The following TMEM131L variants were observed in gnomAD, a reference collection of about 807,000 sequenced individuals.
TMEM131L encodes transmembrane 131 like, also known as transmembrane protein 131-like.
Under a neutral mutation model 192.2 loss-of-function variants are expected in TMEM131L, and 54 were observed. The ratio of observed to expected loss-of-function variants is 0.28; its 90% confidence interval spans 0.23 to 0.35. TMEM131L has a LOEUF of 0.35. TMEM131L is among the 10% of genes least tolerant of loss of function. The pLI is 1.00. For missense variants in TMEM131L, 1,888 were observed against 1,972.9 expected (o/e 0.96, Z 0.82); for synonymous variants, 701 against 704.9 (o/e 0.99, Z 0.09).
chr4:153,473,080 A>G lies in TMEM131L; in HGVS notation c.196-765A>G, dbSNP rs185249360. Reference sequence around the variant, plus strand: ...AATTGGAGCCCAGGTGCTTGCCGCAATGTGGTTGTAGGGGTAGGGCTGGGT... The same window carrying G: ...AATTGGAGCCCAGGTGCTTGCCGCAGTGTGGTTGTAGGGGTAGGGCTGGGT... On this transcript the variant is annotated intron_variant, in intron 2 of 34. Transcript: ENST00000409959. Among the ~76,000 whole-genome samples the G allele has an allele frequency of 5.2e-4, 79 of 152,252 alleles. 1 individual carries two copies. The highest frequency in any genetic ancestry group is 1.5e-3 in the African/African-American group (63 of 41,538).
chr4:153,635,995 G>A (rs1341240371), intron 34 of TMEM131L, among the ~76,000 whole-genome samples: 2 of 152,036 alleles, frequency 1.3e-5, no homozygotes, highest in Non-Finnish European at 2.9e-5. Flanking sequence ...CACCCTCCCT[G>A]CTCAGAAGCC....
intron 21 of TMEM131L, among the ~76,000 whole-genome samples, chr4:153,601,416 A>G (rs1041543281): frequency 2.0e-5 from 3 of 151,968 alleles, no homozygotes; most frequent in Non-Finnish European, 4.4e-5. Context: ...AGTCCTAGCT[A>G]CTTGGGAGGC....
intron 3 of TMEM131L, among the ~76,000 whole-genome samples, chr4:153,515,381 T>A (rs1197716924): frequency 6.6e-6 from 1 of 152,236 alleles, no homozygotes; most frequent in African/African-American, 2.4e-5. Context: ...CTATTTAGCT[T>A]AATGTTTTCG....
chr4:153,603,895 C>G lies in TMEM131L; in HGVS notation c.2883C>G (p.Ile961Met), dbSNP rs779256807. Reference sequence around the variant, plus strand: ...CAGTGAACACTCCCCAAAGCAGGATCCAGAATGCTGCAAAGAGGAGCCCAG... The same window carrying G: ...CAGTGAACACTCCCCAAAGCAGGATGCAGAATGCTGCAAAGAGGAGCCCAG... ...CLPVNTPQSR[I>M]QNAAKRSPAT... The change falls in exon 25 of 35, where the codon ATC becomes ATG. Residue 961 changes from isoleucine (I) to methionine (M), a missense_variant. Coordinates refer to ENST00000409959, the MANE Select transcript of TMEM131L (RefSeq NM_001131007.2). 1 of 1,613,988 alleles carries G rather than the reference C, an allele frequency of 6.2e-7. No individual in the cohort carries two copies. Among genetic ancestry groups the G allele is most frequent in the Non-Finnish European group, 8.5e-7 (1 of 1,179,998 alleles).
Position 153,512,130 on chromosome 4 carries a change from A to G in TMEM131L, c.240-37943A>G, listed in dbSNP as rs184723454. On this transcript the variant is annotated intron_variant, in intron 3 of 34. Transcript: ENST00000409959. ...GTTCATTTATTTTTTTAAAATGGAT[A>G]TCGGTTGTGGGGATGGCTATGGCAT... 2.4e-3 allele frequency among the ~76,000 whole-genome samples: 367 copies of G among 152,292 alleles called. 1 individual carries two copies. The highest frequency in any genetic ancestry group is 7.6e-3 in the African/African-American group (316 of 41,560).
At chr4:153,582,331 G>A (rs2150743172) in intron 9 of TMEM131L, among the ~76,000 whole-genome samples, 1 of 151,248 alleles carries the variant, frequency 6.6e-6, no homozygotes, top group East Asian at 1.9e-4. Flanking sequence ...TGCAACCTCA[G>A]CCTCCTGGGC....
intron 3 of TMEM131L, among the ~76,000 whole-genome samples, chr4:153,541,854 C>T (rs1281036284): frequency 6.6e-6 from 1 of 152,182 alleles, no homozygotes; most frequent in African/African-American, 2.4e-5. Context: ...CATCACTTAC[C>T]CTGCTACAGT....
intron 3 of TMEM131L, among the ~76,000 whole-genome samples, chr4:153,509,374 AAAAG>A (rs988402805): frequency 4.0e-5 from 6 of 151,842 alleles, no homozygotes; most frequent in African/African-American, 7.3e-5. Context: ...TCAAAAAAAA[AAAAG>A]AAAGAAAAAG....
chr4:153,544,745 G>C (rs933889152), intron 3 of TMEM131L, among the ~76,000 whole-genome samples: 1 of 152,140 alleles, frequency 6.6e-6, no homozygotes, highest in Non-Finnish European at 1.5e-5. Flanking sequence ...TTCTCCGGTG[G>C]GTTTTCGCTC....
At chr4:153,484,943 C>T (rs1732213797) in intron 3 of TMEM131L, among the ~76,000 whole-genome samples, 1 of 147,462 alleles carries the variant, frequency 6.8e-6, no homozygotes, top group African/African-American at 2.5e-5. Context: ...CATGGTGAAA[C>T]CCCGTCTCTA....
intron 34 of TMEM131L, among the ~76,000 whole-genome samples, chr4:153,635,866 C>G (rs1283318391): frequency 6.6e-6 from 1 of 152,198 alleles, no homozygotes; most frequent in Non-Finnish European, 1.5e-5. Flanking sequence ...TGGGCCAGCC[C>G]TCTGTGTGAC....
At chr4:153,587,596 T>A (rs1218678833) in intron 14 of TMEM131L, 146 bp from the exon 15 acceptor site, 1 of 663,722 alleles carries the variant, frequency 1.5e-6, no homozygotes, top group Non-Finnish European at 2.7e-6. Flanking sequence ...TGAAAATTCC[T>A]TAACAATTAG....
chr4:153,500,933 A>G (rs1177882536), intron 3 of TMEM131L, among the ~76,000 whole-genome samples: 1 of 152,220 alleles, frequency 6.6e-6, no homozygotes, highest in Non-Finnish European at 1.5e-5. Flanking sequence ...GAAATTTAAA[A>G]GGTTAATAAA....
intron 27 of TMEM131L, 124 bp from the exon 28 acceptor site, chr4:153,621,559 A>G: frequency 2.3e-6 from 2 of 860,072 alleles, no homozygotes; most frequent in Non-Finnish European, 3.6e-6. Flanking sequence ...AGACCCAAAG[A>G]GAGGAGGACT....
chr4:153,474,398 C>T (rs1294794640), intron 3 of TMEM131L, among the ~76,000 whole-genome samples: 8 of 152,134 alleles, frequency 5.3e-5, no homozygotes, highest in Non-Finnish European at 8.8e-5. Context: ...CACACAGCAG[C>T]GGGAACAGTG....
chr4:153,590,491 TAATA>T (rs1448875634), intron 16 of TMEM131L, among the ~76,000 whole-genome samples: 22 of 152,366 alleles, frequency 1.4e-4, no homozygotes, highest in African/African-American at 5.3e-4. Flanking sequence ...CTTGTGTAAT[TAATA>T]AATCTGTGCT....
In TMEM131L at chr4:153,604,154, A is replaced by T. The variant is rs755281434; in HGVS notation, c.3142A>T (p.Thr1048Ser). 6.2e-7 allele frequency: 1 copy of T among 1,614,114 alleles called. No individual in the cohort carries two copies. The highest frequency in any genetic ancestry group is 1.1e-5 in the South Asian group (1 of 91,086). Residue 1048 changes from threonine to serine, a missense_variant, in exon 25 of 35, where the codon ACC (threonine) becomes TCC (serine). Thr to Ser is a moderately conservative substitution (Grantham distance 58). Transcript: ENST00000409959. ...AAATGTCAACCTGCAGAAGAATTTA[A>T]CCCTTCCCAAAAACTTACTGAATAA... ...GINVNLQKNL[T>S]LPKNLLNKEE...
chr4:153,516,680 G>C (rs1734754987), intron 3 of TMEM131L, among the ~76,000 whole-genome samples: 1 of 152,078 alleles, frequency 6.6e-6, no homozygotes, highest in African/African-American at 2.4e-5. Flanking sequence ...ATGCTTCAAG[G>C]CCTTTGAAAA....
At chr4:153,588,307 A>G (rs1730836373) in intron 15 of TMEM131L, among the ~76,000 whole-genome samples, 1 of 141,258 alleles carries the variant, frequency 7.1e-6, no homozygotes, top group Non-Finnish European at 1.5e-5. Flanking sequence ...TTTGATTTAT[A>G]GAGATATTTA....
Sources: allele counts gnomAD v4.1 joint callset (sites outside exome capture counted in the v4.1 genomes callset), GRCh38; gene constraint gnomAD v4.1.1; transcripts MANE v1.5; gene names NCBI Gene and HGNC (gene_info 2026-07-23, HGNC 2026-07-21).